The following GHR variants were observed in gnomAD, a reference collection of about 807,000 sequenced individuals.
The protein encoded by GHR is growth hormone receptor, also known as GH receptor.
Under a neutral mutation model 67.1 loss-of-function variants are expected in GHR, and 35 were observed. The ratio of observed to expected loss-of-function variants is 0.52; its 90% CI spans 0.40 to 0.69. The LOEUF is 0.69. GHR is among the 30% of genes least tolerant of loss of function. The pLI is 0.00. For synonymous variants in GHR, 272 were observed against 269.1 expected, an observed-to-expected ratio of 1.01 and a Z score of -0.10; for missense variants, 792 against 764.6, an observed-to-expected ratio of 1.04 and a Z score of -0.42.
intron 1 of GHR, among the ~76,000 whole-genome samples, chr5:42,469,446 G>T (rs1162866325): frequency 6.7e-6 from 1 of 150,120 alleles, no homozygotes. Flanking sequence ...TCTACTGTCT[G>T]CCTCAGCCTA....
intron 1 of GHR, among the ~76,000 whole-genome samples, chr5:42,493,083 A>G (rs1450742252): frequency 1.3e-5 from 2 of 152,192 alleles, no homozygotes; most frequent in African/African-American, 4.8e-5. Flanking sequence ...TTTAAGATAA[A>G]ATGAAAATTG....
chr5:42,651,752 T>G (rs1447893467), intron 3 of GHR, among the ~76,000 whole-genome samples: 1 of 152,156 alleles, frequency 6.6e-6, no homozygotes, highest in Non-Finnish European at 1.5e-5. Context: ...GCTATCATCT[T>G]CAGTGTTATA....
Position 42,699,817 on chromosome 5 carries a change from T to G in GHR, c.440-7T>G. ...TCTGTGTACTAATGCTCTGTTGAATTGCACAGTGCAACCAGATCCACCCAT... is the reference window on the plus strand; with the variant it reads ...TCTGTGTACTAATGCTCTGTTGAATGGCACAGTGCAACCAGATCCACCCAT... On this transcript the variant is annotated splice_polypyrimidine_tract_variant and splice_region_variant and intron_variant, in intron 5 of 9. Transcript: ENST00000230882. 1.9e-6 allele frequency: 3 copies of G among 1,595,056 alleles called. No individual in the cohort carries two copies.
At chr5:42,487,908 TC>T (rs1745948479) in intron 1 of GHR, among the ~76,000 whole-genome samples, 1 of 152,234 alleles carries the variant, frequency 6.6e-6, no homozygotes, top group Non-Finnish European at 1.5e-5. Context: ...CATAAAATTC[TC>T]CCTCAAAATT....
At chr5:42,473,037 C>T (rs1745078782) in intron 1 of GHR, among the ~76,000 whole-genome samples, 2 of 152,172 alleles carry the variant, frequency 1.3e-5, no homozygotes, top group Admixed American at 1.3e-4. Flanking sequence ...ACTACTGTTT[C>T]TAAGTGAAAG....
chr5:42,502,851 AT>A (rs1405937754), intron 1 of GHR, among the ~76,000 whole-genome samples: 2 of 148,718 alleles, frequency 1.3e-5, no homozygotes, highest in Admixed American at 1.3e-4. Flanking sequence ...AATAATAATT[AT>A]TTTTATTAAT....
At chr5:42,474,185 T>A (rs768748209) in intron 1 of GHR, among the ~76,000 whole-genome samples, 1 of 141,342 alleles carries the variant, frequency 7.1e-6, no homozygotes, top group Non-Finnish European at 1.5e-5. Context: ...CAAGACTCAG[T>A]CTCTGAAAGA....
chr5:42,625,202 G>A (rs1036946078), intron 2 of GHR, among the ~76,000 whole-genome samples: 17 of 152,194 alleles, frequency 1.1e-4, no homozygotes, highest in Non-Finnish European at 1.9e-4. Context: ...CAGAGAGATG[G>A]GAATGAGTCA....
chr5:42,487,428 G>A (rs79153174), intron 1 of GHR, among the ~76,000 whole-genome samples: 12 of 152,198 alleles, frequency 7.9e-5, no homozygotes, highest in East Asian at 7.7e-4. Context: ...TTAATTCCCC[G>A]GTGCCTCAGT....
intron 4 of GHR, among the ~76,000 whole-genome samples, chr5:42,691,823 T>A (rs1757436009): frequency 2.0e-5 from 3 of 152,356 alleles, no homozygotes; most frequent in Admixed American, 2.0e-4. Flanking sequence ...AAACAGTGTC[T>A]GCCATCCTGT....
intron 1 of GHR, among the ~76,000 whole-genome samples, chr5:42,469,903 G>A (rs1017800888): frequency 1.3e-5 from 2 of 151,950 alleles, no homozygotes; most frequent in African/African-American, 4.8e-5. Context: ...GTGGGGACAG[G>A]TATTCCTTTT....
chr5:42,626,483 T>C (rs561833413), intron 2 of GHR, among the ~76,000 whole-genome samples: 1 of 152,174 alleles, frequency 6.6e-6, no homozygotes. Flanking sequence ...CCTCTCTGAG[T>C]GCAGCATCTT....
intron 6 of GHR, among the ~76,000 whole-genome samples, chr5:42,708,212 C>T (rs1199133785): frequency 6.6e-6 from 1 of 152,084 alleles, no homozygotes; most frequent in African/African-American, 2.4e-5. Flanking sequence ...GAAATGTTCA[C>T]AATTATGTGA....
Position 42,555,081 on chromosome 5 carries a change from T to C in GHR, c.-11-10783T>C, listed in dbSNP as rs532262783. 2.6e-5 allele frequency among the ~76,000 whole-genome samples: 4 copies of C among 152,292 alleles called. No homozygotes were observed. The South Asian group carries it at 8.3e-4, about 32-fold the overall frequency. On this transcript the variant is annotated intron_variant, in intron 1 of 9. Coordinates refer to ENST00000230882, the MANE Select transcript of GHR (RefSeq NM_000163.5). ...GATGAGACATGATATTGATCTGCCC[T>C]GTGTTTGCCATCTATCTGGCAGCCA...
At chr5:42,682,985 C>T (rs1451177955) in intron 3 of GHR, among the ~76,000 whole-genome samples, 1 of 151,782 alleles carries the variant, frequency 6.6e-6, no homozygotes, top group Non-Finnish European at 1.5e-5. Context: ...GATTCAGTTC[C>T]TCAAAGGTTT....
chr5:42,462,427 G>A (rs970655596), intron 1 of GHR, among the ~76,000 whole-genome samples: 7 of 152,174 alleles, frequency 4.6e-5, no homozygotes, highest in African/African-American at 7.2e-5. Flanking sequence ...TACACAAAAA[G>A]AGTTGCAAGG....
intron 6 of GHR, among the ~76,000 whole-genome samples, chr5:42,705,555 CACCCACT>C (rs1325302924): frequency 3.3e-5 from 5 of 152,026 alleles, no homozygotes; most frequent in African/African-American, 1.2e-4. Context: ...ACCTTCCTTC[CACCCACT>C]ACCCTCCAGT....
rs534187508 is a variant in GHR, at chr5:42,521,856, G to A, written c.-11-44008G>A. ...CAGTCAATCTTTGGAAATAGTTCAG[G>A]GTGAAATGTTTTTAGCATGTTCACA... On this transcript the variant is annotated intron_variant, in intron 1 of 9. Transcript: ENST00000230882. 1.1e-4 allele frequency among the ~76,000 whole-genome samples: 16 copies of A among 152,138 alleles called. No homozygotes were observed. The South Asian group carries it at 2.9e-3, about 28-fold the overall frequency.
intron 2 of GHR, 96 bp downstream of exon 2, chr5:42,566,040 A>T (rs969393107): frequency 2.1e-6 from 3 of 1,443,562 alleles, no homozygotes; most frequent in Non-Finnish European, 2.9e-6. Flanking sequence ...TTATTAAAAG[A>T]TGCAAGTTTT....
Sources: gnomAD v4.1 joint callset for allele counts (sites outside exome capture counted in the v4.1 genomes callset) on GRCh38, gnomAD v4.1.1 for gene constraint, MANE v1.5 for transcripts, NCBI Gene and HGNC (gene_info 2026-07-23, HGNC 2026-07-21) for gene names.